PARVB: variants seen among roughly 807,000 people sequenced by gnomAD.
The protein encoded by PARVB is parvin beta, also known as beta-parvin.
Under a neutral mutation model 47.0 loss-of-function variants are expected in PARVB, and 46 were observed. The observed-to-expected ratio is 0.98, with a 90% CI of 0.77 to 1.25. The LOEUF (loss-of-function observed/expected upper bound fraction) is 1.25. Among genes scored for constraint, PARVB ranks in the 50% most tolerant of loss-of-function variants. PARVB has a pLI of 0.00. For synonymous variants in PARVB, 196 were observed against 196.3 expected, an observed-to-expected ratio of 1.00 and a Z score of 0.01; for missense variants, 473 against 471.6, an observed-to-expected ratio of 1.00 and a Z score of -0.03.
In PARVB at chr22:44,172,198, G is replaced by T. The variant is rs9614208; in HGVS notation, c.*3520G>T. 12 of 152,056 alleles carry T rather than the reference G, an allele frequency of 7.9e-5. No homozygotes were observed. The highest frequency in any genetic ancestry group is 2.7e-4 in the African/African-American group (11 of 41,362). The allele number at this position is 152,056 out of a possible 1,614,324, so 9.4% of individuals were successfully genotyped here. On this transcript the variant is annotated 3_prime_UTR_variant, in exon 13 of 13. Transcript: ENST00000338758. The stretch of plus-strand genomic sequence containing the variant: ...CCAAGGCAGAATTCAGGGTGAACTC[G>T]ATTCCTATAGGCTTGGGATGAATGG...
In PARVB at chr22:44,024,368, C is replaced by A. The variant is rs750625220; in HGVS notation, c.29C>A (p.Pro10Gln). The A allele has an allele frequency of 5.9e-6, 7 of 1,190,758 alleles. No individual in the cohort carries two copies. Among genetic ancestry groups the A allele is most frequent in the South Asian group, 2.5e-5 (1 of 39,430 alleles). 73.8% of individuals were successfully genotyped at this position (1,190,758 alleles called of 1,614,324 possible). A position where few individuals can be genotyped will look rare whatever the true frequency, so the allele number is the denominator to read the frequency against. The change falls in exon 1 of 13, where the codon CCG (proline) becomes CAG (glutamine). Residue 10 changes from proline to glutamine, a missense_variant. Pro to Gln is a moderately conservative substitution (Grantham distance 76). Coordinates refer to ENST00000338758, the MANE Select transcript of PARVB (RefSeq NM_013327.5). Reference protein sequence around the residue: MSSAPRSPTPRPRRMKKDES... With the variant: MSSAPRSPTQRPRRMKKDES... The stretch of plus-strand genomic sequence containing the variant: ...TCCTCCGCGCCGCGCTCGCCCACCC[C>A]GCGGCCCCGCAGGATGAAGAAGGAC...
chr22:44,142,302 C>G (rs1380981245), intron 8 of PARVB: 1 of 143,068 alleles, frequency 7.0e-6, no homozygotes, highest in African/African-American at 2.6e-5. Context: ...CGCTTGAACC[C>G]AGGAGGTGGA....
intron 1 of PARVB, among the ~76,000 whole-genome samples, chr22:44,065,653 G>A (rs1479845900): frequency 6.6e-6 from 1 of 152,164 alleles, no homozygotes; most frequent in African/African-American, 2.4e-5. Flanking sequence ...AGTCCCCAAA[G>A]TCCATTGTAT....
At chr22:44,004,771 A>G (rs2050447291) in intron 2 of PARVB, among the ~76,000 whole-genome samples, 1 of 152,056 alleles carries the variant, frequency 6.6e-6, no homozygotes, top group Non-Finnish European at 1.5e-5. Flanking sequence ...ACTCTCCTGA[A>G]CCTTTTCCGT....
chr22:44,071,518 ACCTCATTGGGATCACCC>A (rs1216424213), intron 1 of PARVB, among the ~76,000 whole-genome samples: 3 of 151,970 alleles, frequency 2.0e-5, no homozygotes, highest in African/African-American at 7.3e-5. Context: ...ATGCTTGAGG[ACCTCATTGGGATCACCC>A]CCTCCATTGT....
chr22:44,151,404 C>T, intron 9 of PARVB, 79 bp from the exon 10 acceptor site: 3 of 1,060,002 alleles, frequency 2.8e-6, no homozygotes, highest in Non-Finnish European at 4.4e-6. Context: ...CTGGGGCTGG[C>T]AAATGTCAAG....
chr22:44,127,630 A>C (rs575290295), intron 4 of PARVB, among the ~76,000 whole-genome samples: 2 of 152,322 alleles, frequency 1.3e-5, no homozygotes, highest in South Asian at 4.1e-4. Context: ...GGCAAAGGTC[A>C]GTCACAAGGG....
At chr22:44,104,635 C>T (rs2052527784) in intron 3 of PARVB, 1 of 152,224 alleles carries the variant, frequency 6.6e-6, no homozygotes. Flanking sequence ...TGAGTCAGGT[C>T]CTCACTACAC....
At chr22:44,000,615 T>C (rs759910603) in intron 2 of PARVB, among the ~76,000 whole-genome samples, 2 of 152,270 alleles carry the variant, frequency 1.3e-5, no homozygotes, top group Non-Finnish European at 2.9e-5. Context: ...AGTTGTTCGA[T>C]TGACGCATAT....
At chr22:44,136,635 C>A in intron 7 of PARVB, 117 bp downstream of exon 7, 3 of 793,702 alleles carry the variant, frequency 3.8e-6, no homozygotes, top group East Asian at 2.5e-5. Flanking sequence ...CTCCACACCC[C>A]TTCTCTGTAG....
At chr22:44,163,188 G>C (rs1326800361) in intron 11 of PARVB, among the ~76,000 whole-genome samples, 1 of 152,198 alleles carries the variant, frequency 6.6e-6, no homozygotes, top group Non-Finnish European at 1.5e-5. Context: ...GGTCACTGTG[G>C]GCCAGGCGCA....
intron 1 of PARVB, among the ~76,000 whole-genome samples, chr22:44,090,841 C>T (rs948869757): frequency 2.6e-5 from 4 of 152,242 alleles, no homozygotes; most frequent in Non-Finnish European, 5.9e-5. Flanking sequence ...ACTTCCACCC[C>T]GACCCCCTGT....
chr22:44,090,926 C>A (rs1003513866), intron 1 of PARVB, among the ~76,000 whole-genome samples: 6 of 152,206 alleles, frequency 3.9e-5, no homozygotes, highest in African/African-American at 1.4e-4. Context: ...CCTTTTAAGA[C>A]TCTCTGCTGG....
intron 4 of PARVB, among the ~76,000 whole-genome samples, chr22:44,131,050 T>TCCCTCCCG (rs2053300105): frequency 2.9e-5 from 1 of 35,040 alleles, no homozygotes; most frequent in Non-Finnish European, 6.1e-5. Context: ...CCTCCCTCCC[T>TCCCTCCCG]CCCTCCCTCC....
chr22:44,167,758 C>T (rs1315019191), intron 12 of PARVB, among the ~76,000 whole-genome samples: 2 of 131,232 alleles, frequency 1.5e-5, no homozygotes, highest in African/African-American at 5.6e-5. Flanking sequence ...TCCCCAAGCC[C>T]ACCGAGCTGA....
intron 3 of PARVB, chr22:44,107,183 CTT>C (rs1913711039): frequency 6.6e-6 from 1 of 152,260 alleles, no homozygotes; most frequent in African/African-American, 2.4e-5. Flanking sequence ...GCCTGGAAGA[CTT>C]ATCCAAAAGT....
chr22:44,063,313 G>A (rs778790537), intron 1 of PARVB, among the ~76,000 whole-genome samples: 3 of 150,920 alleles, frequency 2.0e-5, no homozygotes, highest in Admixed American at 6.6e-5. Context: ...TGCAACCTCC[G>A]CCTCCCGGGT....
chr22:44,106,581 G>C lies in PARVB; in HGVS notation c.273+6458G>C, dbSNP rs368243770. 17 of 152,238 alleles carry C rather than the reference G, an allele frequency of 1.1e-4. No homozygotes were observed. In the East Asian group the frequency reaches 3.1e-3, roughly 28 times the overall value. 9.4% of individuals were successfully genotyped at this position (152,238 alleles called of 1,614,324 possible). On this transcript the variant is annotated intron_variant, in intron 3 of 12. Coordinates refer to ENST00000338758, the MANE Select transcript of PARVB (RefSeq NM_013327.5). ...GGCTGTGGTGGTGTGGCCATTGCTT[G>C]TAGCCACATTGCAGTCTTGAATGTC... is the stretch of plus-strand genomic sequence containing the variant.
chr22:44,056,183 A>C (rs2051307648), intron 1 of PARVB, among the ~76,000 whole-genome samples: 1 of 152,228 alleles, frequency 6.6e-6, no homozygotes. Context: ...GCAGTAGCCT[A>C]GCTTTGGGGC....
Sources: allele counts gnomAD v4.1 joint callset (sites outside exome capture counted in the v4.1 genomes callset), GRCh38; gene constraint gnomAD v4.1.1; transcripts MANE v1.5; gene names NCBI Gene and HGNC (gene_info 2026-07-23, HGNC 2026-07-21).